Variants in SNX24 observed in about 807,000 individuals in gnomAD.
SNX24 encodes the protein sorting nexin-24.
Under a neutral mutation model 28.7 loss-of-function variants are expected in SNX24, and 22 were observed. The ratio of observed to expected loss-of-function variants is 0.77; its 90% confidence interval spans 0.55 to 1.10. The LOEUF is 1.10. Ranked by LOEUF, SNX24 falls within the 50% of genes least tolerant of loss-of-function variation. The pLI is 0.00. For synonymous variants in SNX24, 69 were observed against 71.5 expected (o/e 0.96, Z 0.18); for missense variants, 221 against 201.1 (o/e 1.10, Z -0.60).
intron 1 of SNX24, chr5:122,853,668 G>T (rs369975552): frequency 2.7e-6 from 1 of 371,770 alleles, no homozygotes; most frequent in Non-Finnish European, 5.5e-6. Flanking sequence ...AATTTTTTTC[G>T]TACAGGTGAG....
intron 5 of SNX24, among the ~76,000 whole-genome samples, chr5:123,018,290 C>T (rs1441981204): frequency 2.6e-5 from 4 of 152,102 alleles, no homozygotes; most frequent in African/African-American, 9.7e-5. Context: ...AGTTCTTCCT[C>T]CTTTACCCTG....
chr5:122,902,999 T>C (rs1757504323), intron 1 of SNX24, among the ~76,000 whole-genome samples: 1 of 152,192 alleles, frequency 6.6e-6, no homozygotes, highest in South Asian at 2.1e-4. Flanking sequence ...CAGTCTCATT[T>C]TCACCCTGTA....
At chr5:122,896,594 C>T (rs909132398) in intron 1 of SNX24, among the ~76,000 whole-genome samples, 1 of 152,156 alleles carries the variant, frequency 6.6e-6, no homozygotes, top group African/African-American at 2.4e-5. Context: ...GATGGATGCT[C>T]TACTCACTTG....
intron 1 of SNX24, among the ~76,000 whole-genome samples, chr5:122,878,185 A>G (rs1756315023): frequency 1.3e-5 from 2 of 152,094 alleles, no homozygotes; most frequent in Non-Finnish European, 1.5e-5. Context: ...GGTTGGTGCC[A>G]CTTCCTTGTT....
At chr5:122,972,510 G>A (rs984386044) in intron 3 of SNX24, among the ~76,000 whole-genome samples, 11 of 152,182 alleles carry the variant, frequency 7.2e-5, no homozygotes, top group Non-Finnish European at 1.0e-4. Context: ...CCGTTACATC[G>A]TTCGGTCAAT....
At chr5:122,848,573 G>T (rs1390475315) in intron 1 of SNX24, among the ~76,000 whole-genome samples, 16 of 151,960 alleles carry the variant, frequency 1.1e-4, no homozygotes, top group Admixed American at 9.8e-4. Flanking sequence ...GCCAGGCGTG[G>T]TGGCGGGCGC....
intron 1 of SNX24, among the ~76,000 whole-genome samples, chr5:122,912,483 C>T (rs1432678944): frequency 1.3e-5 from 2 of 151,970 alleles, no homozygotes; most frequent in Non-Finnish European, 2.9e-5. Context: ...GCCTCATTGC[C>T]CTGGCCAGAA....
chr5:122,855,077 C>CT (rs35771449), intron 1 of SNX24, among the ~76,000 whole-genome samples: 4,239 of 145,182 alleles, frequency 0.029, 74 homozygotes, highest in Non-Finnish European at 0.04. Context: ...TTTCCTTTTC[C>CT]TTTTTTTTTT....
chr5:122,944,427 ATT>A (rs796896407), intron 2 of SNX24, among the ~76,000 whole-genome samples: 1 of 142,006 alleles, frequency 7.0e-6, no homozygotes, highest in Non-Finnish European at 1.6e-5. Flanking sequence ...AATGACATTG[ATT>A]TTTTTTTTCC....
chr5:122,861,078 G>A (rs1416087112), intron 1 of SNX24, among the ~76,000 whole-genome samples: 2 of 151,334 alleles, frequency 1.3e-5, no homozygotes, highest in East Asian at 4.0e-4. Context: ...AGTGGCTGAC[G>A]CCTATAATCC....
chr5:122,930,198 G>C (rs1434102673), intron 1 of SNX24, among the ~76,000 whole-genome samples: 1 of 152,166 alleles, frequency 6.6e-6, no homozygotes, highest in Non-Finnish European at 1.5e-5. Flanking sequence ...TGTGCTTCCT[G>C]CTGGGCACTT....
At chr5:122,955,947 T>C (rs1760190903) in intron 3 of SNX24, among the ~76,000 whole-genome samples, 2 of 152,176 alleles carry the variant, frequency 1.3e-5, no homozygotes, top group African/African-American at 2.4e-5. Flanking sequence ...GGCCACAGTT[T>C]CTTCCATGGT....
intron 1 of SNX24, among the ~76,000 whole-genome samples, chr5:122,913,916 CG>C (rs1167094814): frequency 1.3e-5 from 2 of 152,260 alleles, no homozygotes; most frequent in Non-Finnish European, 2.9e-5. Flanking sequence ...GAGACCACCC[CG>C]GCCAACACAG....
intron 1 of SNX24, among the ~76,000 whole-genome samples, chr5:122,933,313 T>C (rs1378747368): frequency 6.6e-6 from 1 of 152,212 alleles, no homozygotes; most frequent in East Asian, 1.9e-4. Context: ...CCCTCCTCAC[T>C]CCTTGGGTAG....
At chr5:122,998,787 T>C (rs184196746) in intron 3 of SNX24, among the ~76,000 whole-genome samples, 59 of 152,352 alleles carry the variant, frequency 3.9e-4, no homozygotes, top group Non-Finnish European at 7.5e-4. Context: ...AGATGTGATA[T>C]AGAACTATGT....
At chr5:122,947,635 C>A (rs1432680687) in intron 3 of SNX24, among the ~76,000 whole-genome samples, 8 of 152,112 alleles carry the variant, frequency 5.3e-5, no homozygotes, top group African/African-American at 1.9e-4. Flanking sequence ...GTTTTTGAGA[C>A]TGAGGAGCTA....
intron 3 of SNX24, 65 bp from the exon 4 acceptor site, chr5:122,999,847 G>C (rs958321766): frequency 1.1e-6 from 1 of 945,252 alleles, no homozygotes; most frequent in Non-Finnish European, 1.7e-6. Context: ...TTTTGAAATA[G>C]TTCATTTGAT....
rs182567153 is a variant in SNX24, at chr5:122,966,128, A to G, written c.249+19969A>G. Among the ~76,000 whole-genome samples, 4 of 152,366 alleles carry G rather than the reference A, an allele frequency of 2.6e-5. No homozygotes were observed. In the East Asian group the frequency reaches 7.7e-4, roughly 29 times the overall value. On this transcript the variant is annotated intron_variant, in intron 3 of 6. Transcript: ENST00000261369. ...GTTATATAAGAAGGACATTTGCCATATTCTGAATCAGAGTTGACCCTTGTA... is the reference window on the plus strand; with the variant it reads ...GTTATATAAGAAGGACATTTGCCATGTTCTGAATCAGAGTTGACCCTTGTA...
At chr5:122,976,458 G>A (rs1761168779) in intron 3 of SNX24, among the ~76,000 whole-genome samples, 1 of 152,094 alleles carries the variant, frequency 6.6e-6, no homozygotes, top group Non-Finnish European at 1.5e-5. Context: ...TAGTAATTGT[G>A]CCATATTATC....
Sources: allele counts gnomAD v4.1 joint callset (sites outside exome capture counted in the v4.1 genomes callset), GRCh38; gene constraint gnomAD v4.1.1; transcripts MANE v1.5; gene names NCBI Gene and HGNC (gene_info 2026-07-23, HGNC 2026-07-21).